The following CIPC variants were observed in gnomAD, a reference collection of about 807,000 sequenced individuals.
The protein encoded by CIPC is CLOCK interacting pacemaker.
A neutral mutation model predicts 26.7 loss-of-function variants in CIPC; 12 were observed. That is an observed-to-expected ratio of 0.45 (90% CI 0.29 to 0.73). The LOEUF is 0.73. Ranked by LOEUF, CIPC falls within the 30% of genes least tolerant of loss-of-function variation. CIPC has a pLI of 0.12. For synonymous variants in CIPC, 170 were observed against 189.8 expected, an observed-to-expected ratio of 0.90 and a Z score of 0.86; for missense variants, 417 against 486.5, an observed-to-expected ratio of 0.86 and a Z score of 1.34.
chr14:77,114,258 A>G lies in CIPC; in HGVS notation c.1140A>G (p.Thr380=), dbSNP rs144078344. Residue 380 remains threonine, a synonymous_variant, in exon 4 of 4, where the codon ACA becomes ACG. Coordinates refer to ENST00000361786, the MANE Select transcript of CIPC (RefSeq NM_033426.3). ...GGGCCAAGCTGCAGGCATCTTTAAC[A>G]CCTGGGTCCAGTAATACAGGCAGTG... ...QAWAKLQASL[T]PGSSNTGSDL... The G allele has an allele frequency of 1.5e-5, 25 of 1,613,908 alleles. No individual in the cohort carries two copies. The African/African-American group carries it at 3.2e-4, about 21-fold the overall frequency.
At chr14:77,107,627 TACAC>T (rs35968918) in intron 2 of CIPC, among the ~76,000 whole-genome samples, 26,327 of 150,304 alleles carry the variant, frequency 0.18, 2,618 homozygotes, top group Admixed American at 0.28. Flanking sequence ...TCGCTCTCTT[TACAC>T]ACACACACAC....
chr14:77,114,499 A>G lies in CIPC; in HGVS notation c.*181A>G. 1.6e-6 allele frequency: 1 copy of G among 639,218 alleles called. No individual in the cohort carries two copies. Among genetic ancestry groups the G allele is most frequent in the Non-Finnish European group, 2.7e-6 (1 of 373,794 alleles). The allele number at this position is 639,218 out of a possible 1,614,324, so 39.6% of individuals were successfully genotyped here. On this transcript the variant is annotated 3_prime_UTR_variant, in exon 4 of 4. Transcript: ENST00000361786. The stretch of plus-strand genomic sequence containing the variant: ...TCTTAACTCGTAGTCTGGGCACAGG[A>G]TACATATGTCCCCGTCCCACTGAGG...
At chr14:77,108,741 T>C (rs1212682597) in intron 2 of CIPC, among the ~76,000 whole-genome samples, 1 of 152,160 alleles carries the variant, frequency 6.6e-6, no homozygotes, top group Non-Finnish European at 1.5e-5. Flanking sequence ...TTGTACGTCA[T>C]TAGCTGACAT....
chr14:77,104,233 C>T (rs943493926), intron 1 of CIPC, among the ~76,000 whole-genome samples: 3 of 152,180 alleles, frequency 2.0e-5, no homozygotes, highest in Non-Finnish European at 2.9e-5. Flanking sequence ...CTACAAAAAA[C>T]AAAAAATTAG....
rs777976504 is a variant in CIPC, at chr14:77,114,138, T to G, written c.1020T>G (p.Ile340Met). 1.2e-6 allele frequency: 2 copies of G among 1,614,110 alleles called. No homozygotes were observed. The highest frequency in any genetic ancestry group is 1.7e-5 in the Admixed American group (1 of 60,028). The change falls in exon 4 of 4, where the codon ATT becomes ATG. Residue 340 changes from isoleucine (I) to methionine (M), a missense_variant. Coordinates refer to ENST00000361786, the MANE Select transcript of CIPC (RefSeq NM_033426.3). Reference protein sequence around the residue: ...LEITLKTKELIRQNQATQVEL... With the variant: ...LEITLKTKELMRQNQATQVEL... ...TCACTTTGAAAACCAAGGAGTTGAT[T>G]CGTCAGAATCAGGCAACTCAGGTAG...
In CIPC at chr14:77,114,031, A is replaced by G. The variant is rs371858478; in HGVS notation, c.913A>G (p.Ile305Val). ...AAEHLCRSPD[I>V]FSEQRQSKHR... is the part of the protein sequence containing the mutation. ...AGAGCACCTCTGCCGCAGCCCAGAT[A>G]TCTTTTCAGAGCAGCGGCAGAGCAA... is the stretch of plus-strand genomic sequence containing the variant. Residue 305 changes from isoleucine to valine, a missense_variant, in exon 4 of 4, where the codon ATC becomes GTC. By Grantham distance (29) the Ile-to-Val change is conservative. Transcript: ENST00000361786. 2.5e-6 allele frequency: 4 copies of G among 1,614,248 alleles called. No homozygotes were observed. The highest frequency in any genetic ancestry group is 2.7e-5 in the African/African-American group (2 of 75,062).
chr14:77,111,047 A>G (rs1404415960), intron 3 of CIPC, among the ~76,000 whole-genome samples: 1 of 152,228 alleles, frequency 6.6e-6, no homozygotes, highest in African/African-American at 2.4e-5. Flanking sequence ...TATTGAAAGG[A>G]AAAGAAAGAA....
chr14:77,109,770 A>T, intron 2 of CIPC, 42 bp from the exon 3 acceptor site: 1 of 1,569,848 alleles, frequency 6.4e-7, no homozygotes, highest in Non-Finnish European at 8.7e-7. Context: ...AAGAGCCCCT[A>T]GTCTAGAGCC....
chr14:77,109,965 ATG>A lies in CIPC; in HGVS notation c.293_294del (p.Val98AlafsTer21). 1 of 1,614,200 alleles carries A rather than the reference ATG, an allele frequency of 6.2e-7. No homozygotes were observed. The highest frequency in any genetic ancestry group is 8.5e-7 in the Non-Finnish European group (1 of 1,180,012). ...CTGTCTCCCATGGTCGTCATGAAGA[ATG>A]TGCTTGTCAAACAGGTGAGGAGGAC... On this transcript the variant is annotated frameshift_variant, in exon 3 of 4. Coordinates refer to ENST00000361786, the MANE Select transcript of CIPC (RefSeq NM_033426.3). LOFTEE classifies it high-confidence loss of function.
At chr14:77,106,362 G>A (rs1378480149) in intron 2 of CIPC, among the ~76,000 whole-genome samples, 1 of 152,196 alleles carries the variant, frequency 6.6e-6, no homozygotes, top group Non-Finnish European at 1.5e-5. Context: ...TATTTGGACT[G>A]TGAGCCACCT....
chr14:77,101,648 A>G (rs543466493), intron 1 of CIPC, among the ~76,000 whole-genome samples: 19 of 152,358 alleles, frequency 1.2e-4, no homozygotes, highest in Non-Finnish European at 2.1e-4. Flanking sequence ...AGAGAAAAAC[A>G]TAACAGTTTT....
At chr14:77,100,240 CTTT>C (rs57785837) in intron 1 of CIPC, among the ~76,000 whole-genome samples, 52,858 of 130,532 alleles carry the variant, frequency 0.4, 8,926 homozygotes, top group East Asian at 0.61. Context: ...TTCTTTCTTT[CTTT>C]TTTTTTTTTT....
rs944146820 is a variant in CIPC, at chr14:77,115,516, A to G, written c.*1198A>G. The G allele has an allele frequency of 1.3e-5, 2 of 152,216 alleles. No individual in the cohort carries two copies. The highest frequency in any genetic ancestry group is 4.8e-5 in the African/African-American group (2 of 41,460). 9.4% of individuals were successfully genotyped at this position (152,216 alleles called of 1,614,324 possible). On this transcript the variant is annotated 3_prime_UTR_variant, in exon 4 of 4. Coordinates refer to ENST00000361786, the MANE Select transcript of CIPC (RefSeq NM_033426.3). ...TGAAGTTCATCTCAAAATGGAGACC[A>G]TGACCAGAGTTTCCAGATGATACAC...
rs1886779750 is a variant in CIPC at position 77,114,846 on chromosome 14, A to G, written c.*528A>G. The G allele has an allele frequency of 6.4e-6, 1 of 155,060 alleles. No homozygotes were observed. Among genetic ancestry groups the G allele is most frequent in the South Asian group, 2.0e-4 (1 of 5,052 alleles). The allele number at this position is 155,060 out of a possible 1,614,324, so 9.6% of individuals were successfully genotyped here. A position where few individuals can be genotyped will look rare whatever the true frequency, so the allele number is the denominator to read the frequency against. ...GCGAGACCTAAAATTCCCTGGGCAC[A>G]GGTTGCACCTGGGTGTGAGCACTTA... On this transcript the variant is annotated 3_prime_UTR_variant, in exon 4 of 4. Coordinates refer to ENST00000361786, the MANE Select transcript of CIPC (RefSeq NM_033426.3).
At chr14:77,111,988 C>T (rs1248743911) in intron 3 of CIPC, among the ~76,000 whole-genome samples, 1 of 152,130 alleles carries the variant, frequency 6.6e-6, no homozygotes, top group Non-Finnish European at 1.5e-5. Flanking sequence ...TTAGTATATT[C>T]CGGAGTATAT....
In CIPC at chr14:77,113,508, TCATCCACCTGTACCATCTCCTGTC is replaced by T; in HGVS notation, c.391_414del (p.His131_Val138del). On this transcript the variant is annotated inframe_deletion, in exon 4 of 4. Transcript: ENST00000361786. Reference sequence around the variant, plus strand: ...CAGCACAGCCACAGCTCTTATTCCTTCATCCACCTGTACCATCTCCTGTCAGTCCATGTCACACTGGTGAGAAAA... The same window carrying T: ...CAGCACAGCCACAGCTCTTATTCCTTAGTCCATGTCACACTGGTGAGAAAA... 3.7e-6 allele frequency: 6 copies of T among 1,614,172 alleles called. No individual in the cohort carries two copies. Among genetic ancestry groups the T allele is most frequent in the Non-Finnish European group, 5.1e-6 (6 of 1,180,022 alleles).
chr14:77,103,856 C>T (rs1886540987), intron 1 of CIPC, among the ~76,000 whole-genome samples: 1 of 151,424 alleles, frequency 6.6e-6, no homozygotes, highest in South Asian at 2.1e-4. Context: ...GCCCCACCCA[C>T]CCAACTCCCT....
chr14:77,105,993 A>G, intron 2 of CIPC, 149 bp downstream of exon 2: 1 of 843,834 alleles, frequency 1.2e-6, no homozygotes. Context: ...TTCTGATGCC[A>G]TATGTCAGGG....
intron 1 of CIPC, among the ~76,000 whole-genome samples, chr14:77,103,574 T>C (rs1296923522): frequency 2.0e-5 from 3 of 152,224 alleles, no homozygotes; most frequent in Admixed American, 6.5e-5. Flanking sequence ...GGCCTTACAG[T>C]TGCCATTCCT....
Sources: allele counts gnomAD v4.1 joint callset (sites outside exome capture counted in the v4.1 genomes callset), GRCh38; gene constraint gnomAD v4.1.1; transcripts MANE v1.5; gene names NCBI Gene and HGNC (gene_info 2026-07-23, HGNC 2026-07-21).